The following SH3BP1 variants were observed in gnomAD, a reference collection of about 807,000 sequenced individuals.
SH3BP1 encodes SH3 domain binding protein 1.
SH3BP1 carries 46 observed loss-of-function variants against 69.8 expected under a neutral mutation model. The ratio of observed to expected loss-of-function variants is 0.66; its 90% CI spans 0.52 to 0.84. SH3BP1 has a LOEUF of 0.84. Ranked by LOEUF, SH3BP1 falls within the 40% of genes least tolerant of loss-of-function variation. SH3BP1 has a pLI of 0.00. For missense variants in SH3BP1, 868 were observed against 930.9 expected (o/e 0.93, Z 0.88); for synonymous variants, 403 against 378.0 (o/e 1.07, Z -0.77).
chr22:37,640,334 C>T (rs536294086), intron 1 of SH3BP1: 5 of 152,914 alleles, frequency 3.3e-5, no homozygotes, highest in African/African-American at 9.7e-5. Context: ...CCCTCCCCCT[C>T]CCCCTCCCCC....
At chr22:37,647,543 C>G (rs761559800) in intron 13 of SH3BP1, 22 bp downstream of exon 13, 110 of 1,572,672 alleles carry the variant, frequency 7.0e-5, no homozygotes, top group Non-Finnish European at 9.1e-5. Context: ...CCCGCCTCCC[C>G]AGCCTGCCGC....
At chr22:37,643,288 G>A in intron 6 of SH3BP1, 114 bp downstream of exon 6, 1 of 930,362 alleles carries the variant, frequency 1.1e-6, no homozygotes. Flanking sequence ...GCTGAGTACA[G>A]TGTGTGTACT....
At position 37,647,264 on chromosome 22, in the gene SH3BP1, C is replaced by T; in HGVS notation, c.1037-3C>T. 1 of 1,613,850 alleles carries T rather than the reference C, an allele frequency of 6.2e-7. No homozygotes were observed. Among genetic ancestry groups the T allele is most frequent in the Non-Finnish European group, 8.5e-7 (1 of 1,179,830 alleles). Reference sequence around the variant, plus strand: ...TCTGACCCTCCCCACACCCCTCCTTCAGGTGCCCTCAAGTCCTATCTGCGG... The same window carrying T: ...TCTGACCCTCCCCACACCCCTCCTTTAGGTGCCCTCAAGTCCTATCTGCGG... On this transcript the variant is annotated splice_polypyrimidine_tract_variant and splice_region_variant and intron_variant, in intron 11 of 17. Transcript: ENST00000649765.
chr22:37,647,730 C>T (rs1932809707), intron 13 of SH3BP1, among the ~76,000 whole-genome samples: 1 of 151,428 alleles, frequency 6.6e-6, no homozygotes, highest in African/African-American at 2.4e-5. Context: ...AGCTGGAGTG[C>T]AGTGGTGCAG....
Position 37,641,114 on chromosome 22 carries a change from C to CCCCCA in SH3BP1, c.60-12_60-11insCCCCA. ...GAAGCACTCTCCCCCCCCCCCCCAC[C>CCCCCA]ACTCCCCGCAGCACCCCGGAGACCG... On this transcript the variant is annotated splice_polypyrimidine_tract_variant and intron_variant, in intron 1 of 17. Coordinates refer to ENST00000649765, the MANE Select transcript of SH3BP1 (RefSeq NM_018957.6). 2 of 1,358,296 alleles carry CCCCCA rather than the reference C, an allele frequency of 1.5e-6. No homozygotes were observed. The highest frequency in any genetic ancestry group is 1.5e-5 in the African/African-American group (1 of 67,596). 84.1% of individuals were successfully genotyped at this position (1,358,296 alleles called of 1,614,324 possible).
At chr22:37,647,399 G>T (rs777520420) in intron 12 of SH3BP1, 42 bp from the exon 13 acceptor site, 1 of 1,612,482 alleles carries the variant, frequency 6.2e-7, no homozygotes, top group Non-Finnish European at 8.5e-7. Flanking sequence ...ATGCAAAGGT[G>T]TAGCCCTGCG....
In SH3BP1 at chr22:37,650,713, C is replaced by G. The variant is rs1261537224; in HGVS notation, c.1586C>G (p.Ala529Gly). 23 of 1,610,430 alleles carry G rather than the reference C, an allele frequency of 1.4e-5. No individual in the cohort carries two copies. Among genetic ancestry groups the G allele is most frequent in the Non-Finnish European group, 2.0e-5 (23 of 1,178,074 alleles). ...CCGGCCCCAGCCTTGGCTTCAGCAG[C>G]TACCAAGGAAAGGTGAGGACTGAGG... is the stretch of plus-strand genomic sequence containing the variant. The part of the protein sequence containing the change: ...PAPAPALASA[A>G]TKERTESEVP... The change falls in exon 16 of 18, where the codon GCT becomes GGT. Residue 529 changes from alanine (A) to glycine (G), a missense_variant. Physicochemically the swap from Ala to Gly is moderately conservative, Grantham distance 60. Transcript: ENST00000649765.
chr22:37,643,904 T>G (rs966024544), intron 7 of SH3BP1, 116 bp downstream of exon 7: 2 of 1,224,002 alleles, frequency 1.6e-6, no homozygotes, highest in Non-Finnish European at 2.3e-6. Context: ...TAAGGCCACG[T>G]GGCTAGGAGC....
chr22:37,639,876 T>G (rs1932516663), intron 1 of SH3BP1, 30 bp downstream of exon 1: 1 of 1,535,250 alleles, frequency 6.5e-7, no homozygotes, highest in Admixed American at 1.9e-5. Flanking sequence ...AGCCCCACTC[T>G]TACCCCGGCA....
Position 37,639,690 on chromosome 22 carries a change from G to A in SH3BP1, c.-98G>A, listed in dbSNP as rs1012914497. 2 of 723,706 alleles carry A rather than the reference G, an allele frequency of 2.8e-6. No homozygotes were observed. Among genetic ancestry groups the A allele is most frequent in the Non-Finnish European group, 4.1e-6 (2 of 483,904 alleles). The allele number at this position is 723,706 out of a possible 1,614,324, so 44.8% of individuals were successfully genotyped here. A position where few individuals can be genotyped will look rare whatever the true frequency, so the allele number is the denominator to read the frequency against. ...AAGCGAGAGCGCCGCCCACCCATCC[G>A]GGGCAAGAGCCGCGCCGCAGGAGAG... On this transcript the variant is annotated 5_prime_UTR_variant, in exon 1 of 18. Transcript: ENST00000649765.
At chr22:37,655,062 G>A (rs1932979267) in intron 17 of SH3BP1, among the ~76,000 whole-genome samples, 1 of 152,192 alleles carries the variant, frequency 6.6e-6, no homozygotes, top group African/African-American at 2.4e-5. Context: ...TGGGGCATGG[G>A]GTGGGACTCT....
Position 37,655,426 on chromosome 22 carries a change from C to A in SH3BP1, c.1848C>A (p.Ala616=). 1.4e-6 allele frequency: 2 copies of A among 1,403,454 alleles called. No individual in the cohort carries two copies. Among genetic ancestry groups the A allele is most frequent in the Non-Finnish European group, 1.9e-6 (2 of 1,043,868 alleles). 86.9% of individuals were successfully genotyped at this position (1,403,454 alleles called of 1,614,324 possible). The change falls in exon 18 of 18, where the codon GCC becomes GCA. Residue 616 remains alanine, a synonymous_variant. Transcript: ENST00000649765. ...PRRLVGSSLR[A]PTVPPPLPPT... is the part of the protein sequence containing the mutation. The stretch of plus-strand genomic sequence containing the variant: ...GTCTGGTTGGCAGCAGCCTCCGAGC[C>A]CCCACAGTGCCACCCCCGTTACCCC...
At chr22:37,653,282 C>A (rs9622672) in intron 16 of SH3BP1, among the ~76,000 whole-genome samples, 30,791 of 151,500 alleles carry the variant, frequency 0.2, 5,106 homozygotes, top group African/African-American at 0.46. Context: ...AAAACAACAA[C>A]AAAAAAATCT....
chr22:37,647,276 A>G lies in SH3BP1; in HGVS notation c.1046A>G (p.Lys349Arg), dbSNP rs1363718467. 1 of 1,613,808 alleles carries G rather than the reference A, an allele frequency of 6.2e-7. No individual in the cohort carries two copies. Among genetic ancestry groups the G allele is most frequent in the African/African-American group, 1.3e-5 (1 of 74,882 alleles). ...CACACCCCTCCTTCAGGTGCCCTCA[A>G]GTCCTATCTGCGGGAGCTGCCAGAG... The part of the protein sequence containing the change: ...SDPHAVAGAL[K>R]SYLRELPEPL... The change falls in exon 12 of 18, where the codon AAG becomes AGG. Residue 349 changes from lysine to arginine, a missense_variant. Coordinates refer to ENST00000649765, the MANE Select transcript of SH3BP1 (RefSeq NM_018957.6).
At chr22:37,649,655 G>A (rs779254253) in intron 14 of SH3BP1, among the ~76,000 whole-genome samples, 18 of 152,042 alleles carry the variant, frequency 1.2e-4, no homozygotes, top group Non-Finnish European at 2.1e-4. Context: ...GTGGTGGTAC[G>A]CGCCTGTAAT....
In SH3BP1 at chr22:37,648,375, C is replaced by T. The variant is rs1427200710; in HGVS notation, c.1256C>T (p.Thr419Ile). The change falls in exon 14 of 18, where the codon ACA (threonine) becomes ATA (isoleucine). Residue 419 changes from threonine (T) to isoleucine (I), a missense_variant. Physicochemically the swap from Thr to Ile is moderately conservative, Grantham distance 89. Around this residue, in one of 3 missense-constraint regions of SH3BP1, gnomAD observed 474 missense variants for 462.3 expected, o/e 1.03. Transcript: ENST00000649765. ...GAGGAGCAGGAGGTGAACAAGATGACACCCAGCAACATCGCCATAGTCCTG... is the reference window on the plus strand; with the variant it reads ...GAGGAGCAGGAGGTGAACAAGATGATACCCAGCAACATCGCCATAGTCCTG... ...LAEEQEVNKM[T>I]PSNIAIVLGP... 6.4e-7 allele frequency: 1 copy of T among 1,571,998 alleles called. No individual in the cohort carries two copies. The highest frequency in any genetic ancestry group is 1.3e-5 in the African/African-American group (1 of 74,522).
Position 37,641,111 on chromosome 22 carries a change from C to CCCCCCCA in SH3BP1, c.60-15_60-14insCCCCCCA. The CCCCCCCA allele has an allele frequency of 7.4e-7, 1 of 1,359,256 alleles. No homozygotes were observed. Among genetic ancestry groups the CCCCCCCA allele is most frequent in the Non-Finnish European group, 1.0e-6 (1 of 995,964 alleles). The allele number at this position is 1,359,256 out of a possible 1,614,324, so 84.2% of individuals were successfully genotyped here. A position where few individuals can be genotyped will look rare whatever the true frequency, so the allele number is the denominator to read the frequency against. On this transcript the variant is annotated splice_polypyrimidine_tract_variant and intron_variant, in intron 1 of 17. Transcript: ENST00000649765. ...GCAGAAGCACTCTCCCCCCCCCCCC[C>CCCCCCCA]ACCACTCCCCGCAGCACCCCGGAGA...
At position 37,655,245 on chromosome 22, in the gene SH3BP1, C is replaced by T. The variant is rs933298065; in HGVS notation, c.1694-27C>T. On this transcript the variant is annotated intron_variant, in intron 17 of 17. Coordinates refer to ENST00000649765, the MANE Select transcript of SH3BP1 (RefSeq NM_018957.6). ...ACCACAGGCCACGTGGACACTCAGC[C>T]TCCCTCACCCTTTCCTTCCTCAACA... 11 of 1,545,602 alleles carry T rather than the reference C, an allele frequency of 7.1e-6. No homozygotes were observed. In the African/African-American group the frequency reaches 1.1e-4, roughly 15 times the overall value.
In SH3BP1 at chr22:37,650,665, C is replaced by T. The variant is rs142801645; in HGVS notation, c.1538C>T (p.Pro513Leu). 4.4e-4 allele frequency: 704 copies of T among 1,613,878 alleles called. 4 individuals carry two copies. The African/African-American group carries it at 7.1e-3, about 16-fold the overall frequency. Reference sequence around the variant, plus strand: ...CCCACCCCAGCCACCACCCCGGCTCCGGCTCCGGCTCCAGCTCCAGCTCCG... The same window carrying T: ...CCCACCCCAGCCACCACCCCGGCTCTGGCTCCGGCTCCAGCTCCAGCTCCG... ...AVPTPATTPA[P>L]APAPAPAPAP... Residue 513 changes from proline to leucine, a missense_variant, in exon 16 of 18, where the codon CCG (proline) becomes CTG (leucine). Around this residue, in one of 3 missense-constraint regions of SH3BP1, gnomAD observed 474 missense variants for 462.3 expected, o/e 1.03. Transcript: ENST00000649765.
Sources: allele counts gnomAD v4.1 joint callset (sites outside exome capture counted in the v4.1 genomes callset), GRCh38; gene constraint gnomAD v4.1.1; regional missense constraint gnomAD v4.1.1; transcripts MANE v1.5; gene names NCBI Gene and HGNC (gene_info 2026-07-23, HGNC 2026-07-21).